The following SBK2 variants were observed in gnomAD, a reference collection of about 807,000 sequenced individuals.
The protein encoded by SBK2 is SH3 domain binding kinase family member 2, also known as serine/threonine-protein kinase SBK2.
SBK2 carries 18 observed loss-of-function variants against 15.9 expected under a neutral mutation model. The observed-to-expected ratio is 1.13, with a 90% CI of 0.78 to 1.68. The LOEUF is 1.68. Ranked by LOEUF, SBK2 falls within the 40% of genes most tolerant of loss-of-function variation. The probability of loss-of-function intolerance (pLI) is 0.00; values close to 1 mark genes in which losing one functional copy is unlikely to be tolerated. For synonymous variants in SBK2, 284 were observed against 246.8 expected (o/e 1.15, Z -1.41); for missense variants, 581 against 510.9 (o/e 1.14, Z -1.32).
Position 55,529,183 on chromosome 19 carries a change from C to A in SBK2, c.*550G>T, listed in dbSNP as rs571219067. Among the ~76,000 whole-genome samples the A allele has an allele frequency of 7.0e-6, 1 of 143,108 alleles. No homozygotes were observed. Among genetic ancestry groups the A allele is most frequent in the South Asian group, 2.2e-4 (1 of 4,464 alleles). The allele number at this position is 143,108 out of a possible 152,430, so 93.9% of individuals were successfully genotyped here. The stretch of plus-strand genomic sequence containing the variant: ...GCTGAGGCAGGAGGATTGTTTGAGG[C>A]CAGGAGTTGACACCCACCTGGGCAA... On this transcript the variant is annotated 3_prime_UTR_variant, in exon 4 of 4. Coordinates refer to ENST00000413299, the MANE Select transcript of SBK2 (RefSeq NM_001370096.2).
chr19:55,536,076 A>G lies in SBK2; in HGVS notation c.219T>C (p.Tyr73=), dbSNP rs778941765. 6.7e-7 allele frequency: 1 copy of G among 1,502,720 alleles called. No homozygotes were observed. The highest frequency in any genetic ancestry group is 8.9e-7 in the Non-Finnish European group (1 of 1,118,882). 93.1% of individuals were successfully genotyped at this position (1,502,720 alleles called of 1,614,324 possible). A position where few individuals can be genotyped will look rare whatever the true frequency, so the allele number is the denominator to read the frequency against. Residue 73 remains tyrosine, a synonymous_variant, in exon 2 of 4, where the codon TAT becomes TAC. Transcript: ENST00000413299. ...GATGGGTGACCAGAAGGACGCGGCCATAGCAACCCTGGCCCAGGGGACGCA... is the reference window on the plus strand; with the variant it reads ...GATGGGTGACCAGAAGGACGCGGCCGTAGCAACCCTGGCCCAGGGGACGCA... ...EEVRPLGQGC[Y]GRVLLVTHRQ... is the part of the protein sequence containing the mutation.
intron 2 of SBK2, 126 bp from the exon 3 acceptor site, chr19:55,531,471 A>C (rs1599942188): frequency 2.9e-6 from 2 of 701,380 alleles, no homozygotes; most frequent in Non-Finnish European, 4.9e-6. Flanking sequence ...GACCATCTCC[A>C]CCTCCTCCAA....
At chr19:55,535,303 G>A (rs927623201) in intron 2 of SBK2, among the ~76,000 whole-genome samples, 4 of 152,302 alleles carry the variant, frequency 2.6e-5, no homozygotes, top group Admixed American at 2.6e-4. Flanking sequence ...AAGGCCCAGG[G>A]TAGTGGGGAG....
chr19:55,533,964 T>C (rs1343496203), intron 2 of SBK2, among the ~76,000 whole-genome samples: 3 of 152,084 alleles, frequency 2.0e-5, no homozygotes, highest in Admixed American at 2.0e-4. Context: ...GAAATGGCCA[T>C]GGAGGGGCCT....
chr19:55,536,744 C>A (rs962278437), intron 1 of SBK2, among the ~76,000 whole-genome samples: 1 of 151,894 alleles, frequency 6.6e-6, no homozygotes, highest in Non-Finnish European at 1.5e-5. Flanking sequence ...TCCTGACAGG[C>A]CTGGGGTCCC....
At chr19:55,536,444 T>C in intron 1 of SBK2, 148 bp from the exon 2 acceptor site, 1 of 619,584 alleles carries the variant, frequency 1.6e-6, no homozygotes, top group Non-Finnish European at 2.3e-6. Flanking sequence ...TGGTGAGAGG[T>C]GGGGAGACAA....
chr19:55,536,274 C>T lies in SBK2; in HGVS notation c.21G>A (p.Glu7=). The T allele has an allele frequency of 1.3e-6, 2 of 1,580,606 alleles. No homozygotes were observed. Among genetic ancestry groups the T allele is most frequent in the Non-Finnish European group, 8.6e-7 (1 of 1,166,942 alleles). The change falls in exon 2 of 4, where the codon GAG becomes GAA. Residue 7 remains glutamate, a synonymous_variant. Transcript: ENST00000413299. ...AAGCCCCTGCCTCCGCCGGCCCTTC[C>T]TCAGACTGTTTGCCGGGCATCTCTG... The part of the protein sequence containing the change: MPGKQS[E]EGPAEAGASE...
At position 55,536,291 on chromosome 19, in the gene SBK2, G is replaced by A. The variant is rs748710264; in HGVS notation, c.4C>T (p.Pro2Ser). M[P>S]GKQSEEGPAE... ...GGCCCTTCCTCAGACTGTTTGCCGG[G>A]CATCTCTGCGAGAACAGAGAGGGGT... The change falls in exon 2 of 4, where the codon CCC (proline) becomes TCC (serine). Residue 2 changes from proline to serine, a missense_variant. By Grantham distance (74) the Pro-to-Ser change is moderately conservative (BLOSUM62 -1). Coordinates refer to ENST00000413299, the MANE Select transcript of SBK2 (RefSeq NM_001370096.2). 2 of 1,567,084 alleles carry A rather than the reference G, an allele frequency of 1.3e-6. No homozygotes were observed. The highest frequency in any genetic ancestry group is 1.2e-5 in the South Asian group (1 of 85,706).
chr19:55,532,738 C>A (rs779626634), intron 2 of SBK2, among the ~76,000 whole-genome samples: 2 of 151,996 alleles, frequency 1.3e-5, no homozygotes, highest in African/African-American at 2.4e-5. Flanking sequence ...GTAGCTGGGA[C>A]TACAGTTGTG....
At chr19:55,532,423 C>G (rs1988292448) in intron 2 of SBK2, among the ~76,000 whole-genome samples, 1 of 148,968 alleles carries the variant, frequency 6.7e-6, no homozygotes, top group African/African-American at 2.5e-5. Flanking sequence ...CTGCCTCAGC[C>G]TCCCGAGTAG....
At chr19:55,535,197 A>T (rs1460185115) in intron 2 of SBK2, among the ~76,000 whole-genome samples, 8 of 137,872 alleles carry the variant, frequency 5.8e-5, no homozygotes, top group South Asian at 2.6e-4. Flanking sequence ...CAACCCCCCC[A>T]GCACAGGGCT....
chr19:55,535,659 G>C (rs1224642410), intron 2 of SBK2, among the ~76,000 whole-genome samples: 1 of 152,202 alleles, frequency 6.6e-6, no homozygotes. Flanking sequence ...CTGGAGGCCA[G>C]GAGTACGAGA....
chr19:55,533,851 C>T (rs1044750559), intron 2 of SBK2, among the ~76,000 whole-genome samples: 6 of 152,080 alleles, frequency 3.9e-5, no homozygotes, highest in Middle Eastern at 3.4e-3. Context: ...ATCTATGCTC[C>T]CCACGGTGCC....
intron 2 of SBK2, among the ~76,000 whole-genome samples, 185 bp downstream of exon 2, chr19:55,535,857 C>T (rs748405455): frequency 6.6e-6 from 1 of 152,250 alleles, no homozygotes; most frequent in South Asian, 2.1e-4. Flanking sequence ...CCAGCCTGGG[C>T]GGCAGAGCCA....
chr19:55,530,357 G>A, intron 3 of SBK2, 34 bp from the exon 4 acceptor site: 1 of 1,395,576 alleles, frequency 7.2e-7, no homozygotes, highest in Non-Finnish European at 9.3e-7. Context: ...CAGTGCCCCG[G>A]GGCCACGGAA....
intron 2 of SBK2, among the ~76,000 whole-genome samples, chr19:55,534,247 T>C (rs2123480169): frequency 6.6e-6 from 1 of 152,192 alleles, no homozygotes; most frequent in African/African-American, 2.4e-5. Flanking sequence ...GTGACTGGTG[T>C]CCTTATAAGA....
At chr19:55,532,561 T>A (rs1212516058) in intron 2 of SBK2, among the ~76,000 whole-genome samples, 2 of 150,912 alleles carry the variant, frequency 1.3e-5, no homozygotes, top group Non-Finnish European at 2.9e-5. Context: ...CTCAGCCTCC[T>A]GAAGCATTGG....
At chr19:55,532,444 G>A (rs570726205) in intron 2 of SBK2, among the ~76,000 whole-genome samples, 13 of 145,490 alleles carry the variant, frequency 8.9e-5, no homozygotes, top group Middle Eastern at 3.9e-3. Flanking sequence ...CTGGGATTAC[G>A]GGCACCTGCC....
Position 55,529,316 on chromosome 19 carries a change from AGCT to A in SBK2, c.*414_*416del, listed in dbSNP as rs1988182427. ...GAGGCTGAGGCAGGAAGATTGCTTG[AGCT>A]GTGGATTTTGAGACTGCAGTGAGCA... On this transcript the variant is annotated 3_prime_UTR_variant, in exon 4 of 4. Transcript: ENST00000413299. 6.6e-6 allele frequency among the ~76,000 whole-genome samples: 1 copy of A among 152,166 alleles called. No homozygotes were observed. The highest frequency in any genetic ancestry group is 6.5e-5 in the Admixed American group (1 of 15,288).
Sources: gnomAD v4.1 joint callset for allele counts (sites outside exome capture counted in the v4.1 genomes callset) on GRCh38, gnomAD v4.1.1 for gene constraint, MANE v1.5 for transcripts, NCBI Gene and HGNC (gene_info 2026-07-23, HGNC 2026-07-21) for gene names.